The following ISM1 variants were observed in gnomAD, a reference collection of about 807,000 sequenced individuals.
ISM1 encodes the protein isthmin-1.
Under a neutral mutation model 46.3 loss-of-function variants are expected in ISM1, and 25 were observed. The ratio of observed to expected loss-of-function variants is 0.54; its 90% CI spans 0.39 to 0.75. The LOEUF (loss-of-function observed/expected upper bound fraction) is 0.75. ISM1 is among the 30% of genes least tolerant of loss of function. ISM1 has a pLI of 0.00. For missense variants in ISM1, 536 were observed against 625.4 expected (o/e 0.86, Z 1.52); for synonymous variants, 255 against 256.7 (o/e 0.99, Z 0.06).
In ISM1 at chr20:13,221,851, C is replaced by G. The variant is rs1171865540; in HGVS notation, c.75C>G (p.Arg25=). 6.9e-7 allele frequency: 1 copy of G among 1,440,008 alleles called. No homozygotes were observed. Among genetic ancestry groups the G allele is most frequent in the Non-Finnish European group, 9.1e-7 (1 of 1,101,814 alleles). 89.2% of individuals were successfully genotyped at this position (1,440,008 alleles called of 1,614,324 possible). ...LLLTLHITVL[R]GSGAADGPDA... is the part of the protein sequence containing the mutation. ...TCACGCTGCACATCACCGTGCTGCG[C>G]GGCTCGGGAGCCGCCGACGGGCCCG... The change falls in exon 1 of 6, where the codon CGC becomes CGG. Residue 25 remains arginine, a synonymous_variant. Coordinates refer to ENST00000262487, the MANE Select transcript of ISM1 (RefSeq NM_080826.2).
At chr20:13,235,533 G>C (rs2039637876) in intron 1 of ISM1, among the ~76,000 whole-genome samples, 1 of 152,184 alleles carries the variant, frequency 6.6e-6, no homozygotes, top group Non-Finnish European at 1.5e-5. Flanking sequence ...CCAGAGTCAG[G>C]CCAAGAGAAA....
At chr20:13,247,726 A>G (rs2039815890) in intron 1 of ISM1, among the ~76,000 whole-genome samples, 1 of 152,176 alleles carries the variant, frequency 6.6e-6, no homozygotes, top group African/African-American at 2.4e-5. Flanking sequence ...AGCTTCATAA[A>G]GGAGAGGAAA....
Position 13,221,329 on chromosome 20 carries a change from G to C in ISM1, c.-448G>C, listed in dbSNP as rs1387470787. Among the ~76,000 whole-genome samples, 2 of 147,518 alleles carry C rather than the reference G, an allele frequency of 1.4e-5. No individual in the cohort carries two copies. Among genetic ancestry groups the C allele is most frequent in the African/African-American group, 2.5e-5 (1 of 40,484 alleles). Reference sequence around the variant, plus strand: ...CCGCTCCCGCTCCAGCTGCGGCGCCGCGGCCACATCTGGGGCGCCCATGTG... The same window carrying C: ...CCGCTCCCGCTCCAGCTGCGGCGCCCCGGCCACATCTGGGGCGCCCATGTG... On this transcript the variant is annotated 5_prime_UTR_variant, in exon 1 of 6. Coordinates refer to ENST00000262487, the MANE Select transcript of ISM1 (RefSeq NM_080826.2).
the ISM1 span, among the ~76,000 whole-genome samples, chr20:13,314,584 T>C: frequency 1.3e-5 from 2 of 152,034 alleles, no homozygotes; most frequent in African/African-American, 2.4e-5. Flanking sequence ...CAAAAATGGA[T>C]GGAATTTGTT....
chr20:13,227,478 C>G (rs797001494), intron 1 of ISM1, among the ~76,000 whole-genome samples: 6 of 150,332 alleles, frequency 4.0e-5, no homozygotes, highest in African/African-American at 9.8e-5. Flanking sequence ...GCTGGGATTA[C>G]AGGTGTGAGC....
intron 1 of ISM1, among the ~76,000 whole-genome samples, chr20:13,251,094 C>T (rs902270504): frequency 6.6e-6 from 1 of 152,164 alleles, no homozygotes; most frequent in Non-Finnish European, 1.5e-5. Context: ...ATTTCTGCCT[C>T]CCTCCCTATA....
At chr20:13,235,096 G>A (rs1023570461) in intron 1 of ISM1, among the ~76,000 whole-genome samples, 2 of 152,086 alleles carry the variant, frequency 1.3e-5, no homozygotes, top group Non-Finnish European at 2.9e-5. Flanking sequence ...AAATCTCAAC[G>A]GTCTGCAATT....
At chr20:13,295,457 A>C (rs930756668) in intron 5 of ISM1, among the ~76,000 whole-genome samples, 1 of 152,186 alleles carries the variant, frequency 6.6e-6, no homozygotes, top group Admixed American at 6.5e-5. Context: ...AGCCCCAGAC[A>C]TCCCCAGCAG....
In ISM1 at chr20:13,299,510, G is replaced by T; in HGVS notation, c.*51G>T. On this transcript the variant is annotated 3_prime_UTR_variant, in exon 6 of 6. Transcript: ENST00000262487. The surrounding 1 kb of genome is among the most constrained non-coding windows in gnomAD (Gnocchi z 5.8). ...CTGCCTCTGGTTCTGGAGCACACAC[G>T]TGCTGCACTGACGTGCCGACTGGCG... is the stretch of plus-strand genomic sequence containing the variant. 1.3e-6 allele frequency: 2 copies of T among 1,527,844 alleles called. No homozygotes were observed. Among genetic ancestry groups the T allele is most frequent in the African/African-American group, 1.4e-5 (1 of 73,216 alleles). 94.6% of individuals were successfully genotyped at this position (1,527,844 alleles called of 1,614,324 possible). A position where few individuals can be genotyped will look rare whatever the true frequency, so the allele number is the denominator to read the frequency against.
chr20:13,253,218 T>C (rs1254374781), intron 1 of ISM1, among the ~76,000 whole-genome samples: 1 of 152,156 alleles, frequency 6.6e-6, no homozygotes, highest in South Asian at 2.1e-4. Flanking sequence ...TTTTTGATCT[T>C]CTCACCCTGC....
chr20:13,306,564 C>CAAAAA, the ISM1 span, among the ~76,000 whole-genome samples: 177 of 63,906 alleles, frequency 2.8e-3, no homozygotes, highest in African/African-American at 3.4e-3. Context: ...GGAGAAAGGA[C>CAAAAA]AAAAAAAAAA....
the ISM1 span, among the ~76,000 whole-genome samples, chr20:13,325,172 G>A: frequency 1.3e-5 from 2 of 152,168 alleles, no homozygotes; most frequent in Non-Finnish European, 1.5e-5. Flanking sequence ...GGGGTGAGGT[G>A]GGGGGATGGC....
At chr20:13,221,987 C>T (rs1341101754) in intron 1 of ISM1, 73 bp downstream of exon 1, 12 of 1,240,326 alleles carry the variant, frequency 9.7e-6, no homozygotes, top group Non-Finnish European at 1.1e-5. Context: ...TGAGCTAGTG[C>T]CGGGTGGATG....
chr20:13,254,888 C>A (rs913373993), intron 1 of ISM1, among the ~76,000 whole-genome samples: 1 of 152,230 alleles, frequency 6.6e-6, no homozygotes, highest in African/African-American at 2.4e-5. Flanking sequence ...TTTGTCATTC[C>A]TTCCTTTTCC....
the ISM1 span, among the ~76,000 whole-genome samples, chr20:13,312,681 A>C: frequency 6.6e-6 from 1 of 152,082 alleles, no homozygotes; most frequent in Non-Finnish European, 1.5e-5. Flanking sequence ...CATAATAAGA[A>C]AGCAAACTAT....
At chr20:13,315,693 T>A in the ISM1 span, among the ~76,000 whole-genome samples, 6 of 151,934 alleles carry the variant, frequency 3.9e-5, no homozygotes, top group African/African-American at 1.4e-4. Context: ...AACAGCAGAA[T>A]ACACTTTCTT....
chr20:13,325,653 T>A, the ISM1 span, among the ~76,000 whole-genome samples: 8 of 152,216 alleles, frequency 5.3e-5, no homozygotes, highest in Non-Finnish European at 1.2e-4. Context: ...AGATCCAGAA[T>A]AATCAATTAA....
chr20:13,289,283 G>A (rs1600558538), intron 4 of ISM1, among the ~76,000 whole-genome samples: 1 of 152,158 alleles, frequency 6.6e-6, no homozygotes. Flanking sequence ...AGAAACAGAA[G>A]GCAGACACTC....
At chr20:13,313,771 A>C in the ISM1 span, among the ~76,000 whole-genome samples, 2 of 152,250 alleles carry the variant, frequency 1.3e-5, no homozygotes. Context: ...CAGTTTAAAG[A>C]AACAGAGCAA....
Sources: gnomAD v4.1 joint callset for allele counts (sites outside exome capture counted in the v4.1 genomes callset) on GRCh38, gnomAD v4.1.1 for gene constraint, Gnocchi (gnomAD v3.1) non-coding constraint, MANE v1.5 for transcripts, NCBI Gene and HGNC (gene_info 2026-07-23, HGNC 2026-07-21) for gene names.